LGALS1: variants seen among roughly 807,000 people sequenced by gnomAD.
The protein encoded by LGALS1 is galectin-1.
A neutral mutation model predicts 14.4 loss-of-function variants in LGALS1; 14 were observed. The observed-to-expected ratio is 0.97, with a 90% CI of 0.64 to 1.52. LGALS1 has a LOEUF of 1.52. Among genes scored for constraint, LGALS1 ranks in the 40% most tolerant of loss-of-function variants. LGALS1 has a pLI of 0.00. For missense variants in LGALS1, 170 were observed against 181.4 expected (o/e 0.94, Z 0.36); for synonymous variants, 71 against 73.4 (o/e 0.97, Z 0.17).
In LGALS1 at chr22:37,677,241, G is replaced by T. The variant is rs1921464129; in HGVS notation, c.89+176G>T. On this transcript the variant is annotated intron_variant, in intron 2 of 3. Coordinates refer to ENST00000215909, the MANE Select transcript of LGALS1 (RefSeq NM_002305.4). ...GCAGGGTCTGGGCGCCCCCACCGTT[G>T]CCGCCCCCTCCCCCGCTCCCTCCCT... 6.4e-6 allele frequency: 4 copies of T among 622,016 alleles called. No homozygotes were observed. In the South Asian group the frequency reaches 7.5e-5, roughly 12 times the overall value. 38.5% of individuals were successfully genotyped at this position (622,016 alleles called of 1,614,324 possible). A position where few individuals can be genotyped will look rare whatever the true frequency, so the allele number is the denominator to read the frequency against.
At chr22:37,677,692 C>T (rs901545486) in intron 2 of LGALS1, 1 of 152,400 alleles carries the variant, frequency 6.6e-6, no homozygotes, top group Non-Finnish European at 1.5e-5. Flanking sequence ...GCACTAATTT[C>T]ATTTCAACCA....
At chr22:37,677,221 GT>G in intron 2 of LGALS1, 156 bp downstream of exon 2, 1 of 714,602 alleles carries the variant, frequency 1.4e-6, no homozygotes, top group Non-Finnish European at 2.3e-6. Context: ...CCCCCGCAGG[GT>G]CTGGGCGCCC....
In LGALS1 at chr22:37,678,559, G is replaced by A. The variant is rs917018512; in HGVS notation, c.166G>A (p.Ala56Thr). Reference sequence around the variant, plus strand: ...CCCTCGCTTCAACGCCCACGGCGACGCCAACACCATCGTGTGCAACAGCAA... The same window carrying A: ...CCCTCGCTTCAACGCCCACGGCGACACCAACACCATCGTGTGCAACAGCAA... ...FNPRFNAHGDANTIVCNSKDG... is the reference protein window; with the variant it reads ...FNPRFNAHGDTNTIVCNSKDG... The change falls in exon 3 of 4, where the codon GCC becomes ACC. Residue 56 changes from alanine (A) to threonine (T), a missense_variant. Coordinates refer to ENST00000215909, the MANE Select transcript of LGALS1 (RefSeq NM_002305.4). 2.5e-6 allele frequency: 4 copies of A among 1,613,562 alleles called. No individual in the cohort carries two copies. The highest frequency in any genetic ancestry group is 2.5e-6 in the Non-Finnish European group (3 of 1,180,024).
At chr22:37,676,800 C>T (rs1921442104) in intron 1 of LGALS1, 186 bp from the exon 2 acceptor site, 1 of 697,584 alleles carries the variant, frequency 1.4e-6, no homozygotes, top group African/African-American at 1.8e-5. Flanking sequence ...TAGGGACTTT[C>T]CCAGGACCAC....
chr22:37,675,983 G>A, intron 1 of LGALS1: 1 of 372,528 alleles, frequency 2.7e-6, no homozygotes. Flanking sequence ...GCAGCTCTCT[G>A]AGAAGTGAGC....
At chr22:37,676,812 T>C (rs757884768) in intron 1 of LGALS1, 174 bp from the exon 2 acceptor site, 11 of 722,054 alleles carry the variant, frequency 1.5e-5, no homozygotes, top group African/African-American at 8.7e-5. Context: ...CAGGACCACA[T>C]AGACAATCGG....
Position 37,678,525 on chromosome 22 carries a change from G to C in LGALS1, c.132G>C (p.Leu44=). 6.2e-7 allele frequency: 1 copy of C among 1,613,618 alleles called. No individual in the cohort carries two copies. The highest frequency in any genetic ancestry group is 8.5e-7 in the Non-Finnish European group (1 of 1,180,034). Residue 44 remains leucine, a synonymous_variant, in exon 3 of 4, where the codon CTG becomes CTC. Coordinates refer to ENST00000215909, the MANE Select transcript of LGALS1 (RefSeq NM_002305.4). ...GCAAAGACAGCAACAACCTGTGCCTGCACTTCAACCCTCGCTTCAACGCCC... is the reference window on the plus strand; with the variant it reads ...GCAAAGACAGCAACAACCTGTGCCTCCACTTCAACCCTCGCTTCAACGCCC... ...NLGKDSNNLC[L]HFNPRFNAHG...
rs1389013302 is a variant in LGALS1, at chr22:37,679,657, G to T, written c.316G>T (p.Glu106Ter). 1 of 1,610,496 alleles carries T rather than the reference G, an allele frequency of 6.2e-7. No individual in the cohort carries two copies. Among genetic ancestry groups the T allele is most frequent in the South Asian group, 1.1e-5 (1 of 90,190 alleles). The change falls in exon 4 of 4, where the codon GAA (glutamate) becomes TAA (stop). Residue 106 changes from glutamate to a stop codon, truncating the protein, a stop_gained. Coordinates refer to ENST00000215909, the MANE Select transcript of LGALS1 (RefSeq NM_002305.4). LOFTEE classifies it high-confidence loss of function. ...GACCGTCAAGCTGCCAGATGGATACGAATTCAAGTTCCCCAACCGCCTCAA... is the reference window on the plus strand; with the variant it reads ...GACCGTCAAGCTGCCAGATGGATACTAATTCAAGTTCCCCAACCGCCTCAA... Reference protein sequence around the residue: ...NLTVKLPDGYEFKFPNRLNLE... With the variant: ...NLTVKLPDGY
At chr22:37,678,834 A>AG (rs1482257479) in intron 3 of LGALS1, among the ~76,000 whole-genome samples, 180 bp downstream of exon 3, 8 of 152,090 alleles carry the variant, frequency 5.3e-5, no homozygotes, top group Non-Finnish European at 2.9e-5. Context: ...AATAAAACGA[A>AG]GGGGAAAAAA....
At chr22:37,676,789 A>G (rs1422648180) in intron 1 of LGALS1, 197 bp from the exon 2 acceptor site, 2 of 659,648 alleles carry the variant, frequency 3.0e-6, no homozygotes, top group Non-Finnish European at 5.6e-6. Context: ...CCCGGTGGGA[A>G]TAGGGACTTT....
chr22:37,677,386 T>C, intron 2 of LGALS1: 1 of 346,594 alleles, frequency 2.9e-6, no homozygotes, highest in Non-Finnish European at 5.5e-6. Flanking sequence ...GGGAGAGGAG[T>C]GGGGCGGGCG....
chr22:37,678,697 G>A, intron 3 of LGALS1, 43 bp downstream of exon 3: 1 of 1,455,026 alleles, frequency 6.9e-7, no homozygotes, highest in Non-Finnish European at 9.3e-7. Flanking sequence ...CAGGGGCTGG[G>A]TGGGCTGGGG....
chr22:37,677,105 C>A lies in LGALS1; in HGVS notation c.89+40C>A, dbSNP rs531897028. ...CGGGGTGGTGGGCGGCAGGGACGGG[C>A]TTGGTCCAGCAGGGAGGGCGTGGCC... On this transcript the variant is annotated intron_variant, in intron 2 of 3. Transcript: ENST00000215909. 1.5e-5 allele frequency: 24 copies of A among 1,599,368 alleles called. No homozygotes were observed. In the South Asian group the frequency reaches 2.6e-4, roughly 18 times the overall value.
intron 2 of LGALS1, 29 bp downstream of exon 2, chr22:37,677,094 G>T: frequency 6.2e-7 from 1 of 1,607,266 alleles, no homozygotes; most frequent in South Asian, 1.1e-5. Flanking sequence ...GTGGTGGGCG[G>T]CAGGGACGGG....
intron 2 of LGALS1, chr22:37,677,338 C>A (rs940837823): frequency 4.3e-6 from 2 of 463,788 alleles, no homozygotes; most frequent in African/African-American, 2.0e-5. Context: ...GCCCCCACCC[C>A]TTTCCGGTCT....
Position 37,675,645 on chromosome 22 carries a change from G to T in LGALS1, c.-58G>T, listed in dbSNP as rs540407638. The T allele has an allele frequency of 8.4e-6, 13 of 1,545,140 alleles. No homozygotes were observed. The highest frequency in any genetic ancestry group is 1.0e-5 in the Non-Finnish European group (12 of 1,144,016). On this transcript the variant is annotated 5_prime_UTR_variant, in exon 1 of 4. Coordinates refer to ENST00000215909, the MANE Select transcript of LGALS1 (RefSeq NM_002305.4). ...GAGCGTCCGGGGGCCCATCTCTCTC[G>T]GGTGGAGTCTTCTGACAGCTGGTGC... is the stretch of plus-strand genomic sequence containing the variant.
At chr22:37,677,301 C>G in intron 2 of LGALS1, 2 of 548,922 alleles carry the variant, frequency 3.6e-6, no homozygotes, top group Non-Finnish European at 6.6e-6. Context: ...GCTGCAGCCT[C>G]GTCATCTGTA....
chr22:37,678,004 C>T (rs527394706), intron 2 of LGALS1, among the ~76,000 whole-genome samples: 1 of 152,204 alleles, frequency 6.6e-6, no homozygotes, highest in Non-Finnish European at 1.5e-5. Context: ...AGGCTGGTCT[C>T]GAACTCCTGA....
Position 37,675,678 on chromosome 22 carries a change from C to G in LGALS1, c.-25C>G, listed in dbSNP as rs1054833553. ...TCTTCTGACAGCTGGTGCGCCTGCC[C>G]GGGAACATCCTCCTGGACTCAATCA... On this transcript the variant is annotated 5_prime_UTR_variant, in exon 1 of 4. Transcript: ENST00000215909. 3 of 1,549,354 alleles carry G rather than the reference C, an allele frequency of 1.9e-6. No individual in the cohort carries two copies. The highest frequency in any genetic ancestry group is 2.6e-6 in the Non-Finnish European group (3 of 1,146,962).
Sources: gnomAD v4.1 joint callset for allele counts (sites outside exome capture counted in the v4.1 genomes callset) on GRCh38, gnomAD v4.1.1 for gene constraint, MANE v1.5 for transcripts, NCBI Gene and HGNC (gene_info 2026-07-23, HGNC 2026-07-21) for gene names.